Variants in PSMA1 observed in about 807,000 individuals in gnomAD.
PSMA1 encodes proteasome subunit alpha type-1.
Under a neutral mutation model 38.4 loss-of-function variants are expected in PSMA1, and 3 were observed. That is an observed-to-expected ratio of 0.08 (90% confidence interval 0.04 to 0.20). The LOEUF (loss-of-function observed/expected upper bound fraction) is 0.20. PSMA1 is among the 10% of genes least tolerant of loss of function. The pLI is 1.00. For missense variants in PSMA1, 227 were observed against 325.3 expected, an observed-to-expected ratio of 0.70 and a Z score of 2.32; for synonymous variants, 101 against 107.1, an observed-to-expected ratio of 0.94 and a Z score of 0.35.
At chr11:14,568,134 T>C (rs1852094520) in intron 2 of PSMA1, among the ~76,000 whole-genome samples, 1 of 152,212 alleles carries the variant, frequency 6.6e-6, no homozygotes. Flanking sequence ...TTATAGAATA[T>C]TAACTACCAT....
chr11:14,527,109 T>C (rs778149435), intron 2 of PSMA1, among the ~76,000 whole-genome samples: 2 of 152,130 alleles, frequency 1.3e-5, no homozygotes, highest in Admixed American at 6.5e-5. Flanking sequence ...TAATAAAAAC[T>C]CTTCTCAAGG....
At chr11:14,535,950 G>A (rs768658240) in intron 2 of PSMA1, among the ~76,000 whole-genome samples, 6 of 151,960 alleles carry the variant, frequency 3.9e-5, no homozygotes, top group Non-Finnish European at 7.4e-5. Context: ...ATCATGCTTC[G>A]AGGAGTTGAA....
rs185045423 is a variant in PSMA1 at position 14,534,356 on chromosome 11, T to C, written c.22-15315A>G. Among the ~76,000 whole-genome samples, 48 of 152,370 alleles carry C rather than the reference T, an allele frequency of 3.2e-4. No individual in the cohort carries two copies. The highest frequency in any genetic ancestry group is 6.6e-4 in the Non-Finnish European group (45 of 68,038). On this transcript the variant is annotated intron_variant, in intron 2 of 10. Transcript: ENST00000418988. This position sits in a 1 kb window ranked among gnomAD's most constrained non-coding sequence, Gnocchi z 4.5. ...ATGTCACATGCTTTAAATGTCTGTA[T>C]AGCTATAAGGTATTACATCATATAA...
chr11:14,610,371 G>C (rs1852695724), intron 2 of PSMA1, among the ~76,000 whole-genome samples: 1 of 151,784 alleles, frequency 6.6e-6, no homozygotes, highest in South Asian at 2.1e-4. Context: ...GATGTCTTAT[G>C]AACAGGTATC....
At chr11:14,521,351 G>C (rs1457604477), upstream of PSMA1, among the ~76,000 whole-genome samples, 2 of 151,440 alleles carry the variant, frequency 1.3e-5, no homozygotes, top group Non-Finnish European at 2.9e-5. Flanking sequence ...AAAAGGCTGG[G>C]CATGTTGGCA....
intron 1 of PSMA1, among the ~76,000 whole-genome samples, chr11:14,629,382 A>G (rs1056174348): frequency 1.2e-4 from 18 of 152,314 alleles, no homozygotes; most frequent in Non-Finnish European, 1.8e-4. Flanking sequence ...AGCTTTCTAC[A>G]TATGGCTAGC....
At chr11:14,628,372 TG>T (rs1852947113) in intron 1 of PSMA1, among the ~76,000 whole-genome samples, 1 of 129,808 alleles carries the variant, frequency 7.7e-6, no homozygotes, top group African/African-American at 3.0e-5. Flanking sequence ...TGTGTCCATG[TG>T]ATCTCATTGT....
At chr11:14,573,113 T>C (rs1852166702) in intron 2 of PSMA1, among the ~76,000 whole-genome samples, 1 of 152,214 alleles carries the variant, frequency 6.6e-6, no homozygotes, top group Non-Finnish European at 1.5e-5. Flanking sequence ...CCATTCCTTC[T>C]GAAACTATTC....
chr11:14,581,410 T>C (rs754396435), intron 2 of PSMA1, among the ~76,000 whole-genome samples: 1 of 152,226 alleles, frequency 6.6e-6, no homozygotes, highest in Non-Finnish European at 1.5e-5. Flanking sequence ...TTAACTTCTA[T>C]GTGCCTTCGA....
At chr11:14,571,671 C>T (rs200365314) in intron 2 of PSMA1, among the ~76,000 whole-genome samples, 7 of 150,866 alleles carry the variant, frequency 4.6e-5, no homozygotes, top group Admixed American at 6.6e-5. Flanking sequence ...CAATATTAAC[C>T]TTAAATGTAA....
intron 1 of PSMA1, among the ~76,000 whole-genome samples, chr11:14,641,875 C>T (rs755016147): frequency 6.6e-6 from 1 of 152,090 alleles, no homozygotes; most frequent in Non-Finnish European, 1.5e-5. Flanking sequence ...GAAATCAGAG[C>T]TTTTTAAGAC....
intron 8 of PSMA1, 117 bp downstream of exon 8, chr11:14,510,755 C>A (rs1479900656): frequency 1.0e-5 from 6 of 578,564 alleles, no homozygotes; most frequent in African/African-American, 1.9e-5. Context: ...GGAAAAGAAT[C>A]TGCCAAGACA....
Position 14,596,564 on chromosome 11 carries a change from G to C in PSMA1, c.21+14402C>G, listed in dbSNP as rs751904928. Reference sequence around the variant, plus strand: ...TCTGTTTGTCTTTTAATGGTGTATAGGAATGCTTGTGATGTTTGCACATTG... The same window carrying C: ...TCTGTTTGTCTTTTAATGGTGTATACGAATGCTTGTGATGTTTGCACATTG... On this transcript the variant is annotated intron_variant, in intron 2 of 10. Coordinates refer to the PSMA1 transcript ENST00000418988. Among the ~76,000 whole-genome samples, 171 of 152,308 alleles carry C rather than the reference G, an allele frequency of 1.1e-3. 1 individual carries two copies. The highest frequency in any genetic ancestry group is 6.6e-4 in the Non-Finnish European group (45 of 68,030).
intron 8 of PSMA1, among the ~76,000 whole-genome samples, chr11:14,510,598 T>C (rs181241440): frequency 6.6e-6 from 1 of 152,328 alleles, no homozygotes; most frequent in East Asian, 1.9e-4. Context: ...AATATATATA[T>C]ATTTTTGTTA....
At chr11:14,619,711 A>T (rs1331621382) in intron 1 of PSMA1, among the ~76,000 whole-genome samples, 1 of 152,190 alleles carries the variant, frequency 6.6e-6, no homozygotes, top group Non-Finnish European at 1.5e-5. Context: ...ATAGGGTGTC[A>T]TAATTTCAAA....
chr11:14,596,501 T>C (rs61883619), intron 2 of PSMA1, among the ~76,000 whole-genome samples: 1 of 140,178 alleles, frequency 7.1e-6, no homozygotes, highest in Non-Finnish European at 1.6e-5. Context: ...ATTCTCTTTG[T>C]AGCAATTGTG....
At chr11:14,575,411 A>G (rs888801717) in intron 2 of PSMA1, among the ~76,000 whole-genome samples, 2 of 147,046 alleles carry the variant, frequency 1.4e-5, no homozygotes, top group Non-Finnish European at 3.0e-5. Flanking sequence ...CCTCCCCCCT[A>G]CCCCCACCCC....
At chr11:14,557,852 A>C (rs1371909582) in intron 2 of PSMA1, among the ~76,000 whole-genome samples, 1 of 152,118 alleles carries the variant, frequency 6.6e-6, no homozygotes, top group Non-Finnish European at 1.5e-5. Context: ...GCTTTCAAAT[A>C]ATCTTTTCTT....
rs575323189 is a variant in PSMA1, at chr11:14,554,260, C to CTG, written c.22-35221_22-35220dup. On this transcript the variant is annotated intron_variant, in intron 2 of 10. Transcript: ENST00000418988. ...TGGTTTGCAGACACCTTCTTTCAGC[C>CTG]TGTGTCTGTCTTCATTCTCTTAATG... Among the ~76,000 whole-genome samples, 25 of 152,074 alleles carry CTG rather than the reference C, an allele frequency of 1.6e-4. 1 individual carries two copies. Among genetic ancestry groups the CTG allele is most frequent in the Non-Finnish European group, 3.2e-4 (22 of 68,000 alleles).
Sources: allele counts gnomAD v4.1 joint callset (sites outside exome capture counted in the v4.1 genomes callset), GRCh38; gene constraint gnomAD v4.1.1; non-coding constraint Gnocchi (gnomAD v3.1); transcripts MANE v1.5; gene names NCBI Gene and HGNC (gene_info 2026-07-23, HGNC 2026-07-21).